MVB12B: variants seen among roughly 807,000 people sequenced by gnomAD.
The protein encoded by MVB12B is multivesicular body subunit 12B.
Under a neutral mutation model 41.6 loss-of-function variants are expected in MVB12B, and 16 were observed. The observed-to-expected ratio is 0.38, with a 90% CI of 0.26 to 0.58. The LOEUF (loss-of-function observed/expected upper bound fraction) is 0.58, where lower values mean the gene tolerates loss of function less well. MVB12B is among the 20% of genes least tolerant of loss of function. The pLI is 0.62. For synonymous variants in MVB12B, 133 were observed against 139.7 expected (o/e 0.95, Z 0.34); for missense variants, 274 against 380.2 (o/e 0.72, Z 2.32).
chr9:126,460,448 G>A (rs1213376099), intron 7 of MVB12B, among the ~76,000 whole-genome samples: 1 of 152,160 alleles, frequency 6.6e-6, no homozygotes, highest in Non-Finnish European at 1.5e-5. Context: ...TGTGCTCTTG[G>A]TCATGCCAGG....
intron 7 of MVB12B, among the ~76,000 whole-genome samples, chr9:126,451,343 G>A (rs1451124636): frequency 3.3e-5 from 5 of 152,232 alleles, no homozygotes; most frequent in African/African-American, 4.8e-5. Context: ...GAATGGCTGG[G>A]AAGCAGTGCA....
At chr9:126,439,021 A>G (rs1832565805) in intron 7 of MVB12B, among the ~76,000 whole-genome samples, 2 of 152,068 alleles carry the variant, frequency 1.3e-5, no homozygotes, top group African/African-American at 4.8e-5. Flanking sequence ...TTGTTTGAAC[A>G]GACTTGAGGA....
intron 7 of MVB12B, among the ~76,000 whole-genome samples, chr9:126,438,930 G>A (rs950707049): frequency 8.6e-5 from 13 of 152,002 alleles, no homozygotes; most frequent in African/African-American, 3.1e-4. Context: ...TATGATACTC[G>A]ATCGCTGCAA....
intron 2 of MVB12B, among the ~76,000 whole-genome samples, chr9:126,351,581 T>C (rs1354816130): frequency 6.7e-6 from 1 of 150,116 alleles, no homozygotes; most frequent in Non-Finnish European, 1.5e-5. Flanking sequence ...CTGCACTTTC[T>C]GGGTTCAAGC....
intron 7 of MVB12B, among the ~76,000 whole-genome samples, chr9:126,464,870 G>A (rs1010427062): frequency 6.6e-6 from 1 of 152,186 alleles, no homozygotes; most frequent in South Asian, 2.1e-4. Context: ...CTTCTGGGGG[G>A]CATGGGAATG....
At chr9:126,449,772 G>A (rs1438273938) in intron 7 of MVB12B, among the ~76,000 whole-genome samples, 8 of 152,150 alleles carry the variant, frequency 5.3e-5, no homozygotes, top group African/African-American at 1.9e-4. Flanking sequence ...TTTTGTGTCT[G>A]TTTGGTTTCA....
chr9:126,397,484 C>A, intron 6 of MVB12B: 8 of 985,428 alleles, frequency 8.1e-6, no homozygotes, highest in Non-Finnish European at 8.4e-6. Flanking sequence ...GCAAGGAAAT[C>A]GGATCAGTTT....
chr9:126,426,591 AT>A (rs1286552057), intron 7 of MVB12B, among the ~76,000 whole-genome samples: 1 of 148,250 alleles, frequency 6.7e-6, no homozygotes, highest in Non-Finnish European at 1.5e-5. Flanking sequence ...TTTTTCTTGG[AT>A]TTTTTAATAT....
rs1834006271 is a variant in MVB12B, at chr9:126,503,493, G to C, written c.*230G>C. 3 of 575,814 alleles carry C rather than the reference G, an allele frequency of 5.2e-6. No homozygotes were observed. Among genetic ancestry groups the C allele is most frequent in the Non-Finnish European group, 6.2e-6 (2 of 323,196 alleles). The allele number at this position is 575,814 out of a possible 1,614,324, so 35.7% of individuals were successfully genotyped here. A position where few individuals can be genotyped will look rare whatever the true frequency, so the allele number is the denominator to read the frequency against. On this transcript the variant is annotated 3_prime_UTR_variant, in exon 10 of 10. Coordinates refer to ENST00000361171, the MANE Select transcript of MVB12B (RefSeq NM_033446.3). The stretch of plus-strand genomic sequence containing the variant: ...TCATAACCATGACTAATCTGTGTGT[G>C]CTGTAGTGACCAGCGGCTCCTAACG...
At chr9:126,347,912 G>A (rs1010969687) in intron 2 of MVB12B, among the ~76,000 whole-genome samples, 6 of 152,214 alleles carry the variant, frequency 3.9e-5, no homozygotes, top group Non-Finnish European at 5.9e-5. Flanking sequence ...AATTGCCCTC[G>A]TTCTCCATGG....
chr9:126,476,051 A>AGGAGCACATGGGCCGAGGGGT lies in MVB12B; in HGVS notation c.758-5312_758-5292dup, dbSNP rs71377935. Among the ~76,000 whole-genome samples, 858 of 149,572 alleles carry AGGAGCACATGGGCCGAGGGGT rather than the reference A, an allele frequency of 5.7e-3. 9 individuals carry two copies. Among genetic ancestry groups the AGGAGCACATGGGCCGAGGGGT allele is most frequent in the Non-Finnish European group, 1.0e-2 (665 of 66,688 alleles). On this transcript the variant is annotated intron_variant, in intron 7 of 9. Coordinates refer to ENST00000361171, the MANE Select transcript of MVB12B (RefSeq NM_033446.3). ...CCTCATCTCTGCTGCTGGTCCAGTC[A>AGGAGCACATGGGCCGAGGGGT]GGAGCACATGGGCCGAGGGGTGGAG...
chr9:126,494,273 A>C (rs1287791507), intron 9 of MVB12B, among the ~76,000 whole-genome samples: 3 of 152,154 alleles, frequency 2.0e-5, no homozygotes, highest in Non-Finnish European at 2.9e-5. Context: ...TCCTAATTCC[A>C]AGAGTCTTGG....
chr9:126,329,017 A>G (rs1251564328), intron 1 of MVB12B, among the ~76,000 whole-genome samples: 1 of 152,100 alleles, frequency 6.6e-6, no homozygotes, highest in Non-Finnish European at 1.5e-5. Context: ...ACCAGAGCTT[A>G]AGTAATCCTC....
In MVB12B at chr9:126,505,642, A is replaced by T. The variant is rs537406671; in HGVS notation, c.*2379A>T. On this transcript the variant is annotated 3_prime_UTR_variant, in exon 10 of 10. Coordinates refer to ENST00000361171, the MANE Select transcript of MVB12B (RefSeq NM_033446.3). ...ATTGCCTTCTGAGAGGTGGGTGAGG[A>T]CAAGCATGTGCCTGTGTGTGTGTGT... 5 of 149,780 alleles carry T rather than the reference A, an allele frequency of 3.3e-5. No individual in the cohort carries two copies. Among genetic ancestry groups the T allele is most frequent in the African/African-American group, 5.0e-5 (2 of 40,156 alleles). 9.3% of individuals were successfully genotyped at this position (149,780 alleles called of 1,614,324 possible). A position where few individuals can be genotyped will look rare whatever the true frequency, so the allele number is the denominator to read the frequency against.
rs902109911 is a variant in MVB12B, at chr9:126,367,634, G to A, written c.205-13430G>A. On this transcript the variant is annotated intron_variant, in intron 2 of 9. Transcript: ENST00000361171. The surrounding 1 kb of genome is among the most constrained non-coding windows in gnomAD (Gnocchi z 4.3). ...ACTTGGCGCTCCCTTACAGCACGGA[G>A]GTGATTCTGTCTTACACTTCTGATG... Among the ~76,000 whole-genome samples the A allele has an allele frequency of 2.6e-5, 4 of 152,200 alleles. No individual in the cohort carries two copies. The highest frequency in any genetic ancestry group is 9.7e-5 in the African/African-American group (4 of 41,442).
chr9:126,390,898 G>A (rs1830930951), intron 4 of MVB12B, among the ~76,000 whole-genome samples: 1 of 148,908 alleles, frequency 6.7e-6, no homozygotes, highest in Non-Finnish European at 1.5e-5. Context: ...GTTGCAGTGA[G>A]CCAAGATCAT....
chr9:126,386,448 T>C lies in MVB12B; in HGVS notation c.313-114T>C, dbSNP rs1670745182. On this transcript the variant is annotated intron_variant, in intron 3 of 9. Coordinates refer to ENST00000361171, the MANE Select transcript of MVB12B (RefSeq NM_033446.3). The surrounding 1 kb of genome is among the most constrained non-coding windows in gnomAD (Gnocchi z 4.3). ...GTGTCACCTACTCTAATTAACCTGCTGTCATAAAGCTGCACGAGTCATTGT... is the reference window on the plus strand; with the variant it reads ...GTGTCACCTACTCTAATTAACCTGCCGTCATAAAGCTGCACGAGTCATTGT... 1 of 682,676 alleles carries C rather than the reference T, an allele frequency of 1.5e-6. No individual in the cohort carries two copies. Among genetic ancestry groups the C allele is most frequent in the Admixed American group, 2.2e-5 (1 of 46,350 alleles). 42.3% of individuals were successfully genotyped at this position (682,676 alleles called of 1,614,324 possible).
At chr9:126,451,662 C>A (rs760175598) in intron 7 of MVB12B, among the ~76,000 whole-genome samples, 1 of 151,986 alleles carries the variant, frequency 6.6e-6, no homozygotes, top group East Asian at 1.9e-4. Flanking sequence ...GCAGGAACTC[C>A]GTGGTGGGAC....
intron 8 of MVB12B, 84 bp from the exon 9 acceptor site, chr9:126,483,889 G>T: frequency 7.2e-7 from 1 of 1,391,240 alleles, no homozygotes; most frequent in Non-Finnish European, 1.0e-6. Context: ...GTGGCTTGAG[G>T]TGTTACCATT....
Sources: allele counts gnomAD v4.1 joint callset (sites outside exome capture counted in the v4.1 genomes callset), GRCh38; gene constraint gnomAD v4.1.1; non-coding constraint Gnocchi (gnomAD v3.1); transcripts MANE v1.5; gene names NCBI Gene and HGNC (gene_info 2026-07-23, HGNC 2026-07-21).